ATRX: variants seen among roughly 807,000 people sequenced by gnomAD.
ATRX encodes ATRX chromatin remodeler, also known as chromatin remodeler ATRX.
A neutral mutation model predicts 172.6 loss-of-function variants in ATRX; 12 were observed. That is an observed-to-expected ratio of 0.07 (90% CI 0.04 to 0.11). The LOEUF (loss-of-function observed/expected upper bound fraction) is 0.11, where lower values mean the gene tolerates loss of function less well. Ranked by LOEUF, ATRX falls within the 10% of genes least tolerant of loss-of-function variation. ATRX has a pLI of 1.00. For missense variants in ATRX, 1,368 were observed against 1,767.4 expected, an observed-to-expected ratio of 0.77 and a Z score of 4.05; for synonymous variants, 674 against 594.7, an observed-to-expected ratio of 1.13 and a Z score of -1.94.
Position 77,682,675 on chromosome X carries a change from C to T in ATRX, c.2581G>A (p.Asp861Asn), listed in dbSNP as rs782629714. The change falls in exon 9 of 35, where the codon GAT becomes AAT. Residue 861 changes from aspartate (D) to asparagine (N), a missense_variant. Around this residue, in one of 17 missense-constraint regions of ATRX, gnomAD observed 843 missense variants for 643.1 expected, o/e 1.31. Transcript: ENST00000373344. ...TTCAAATTTTTGTGCCCTTGATTAT[C>T]CATTCCTTTTTTGCTGTGTTTCTCA... ...EDEKHSKKGM[D>N]NQGHKNLKTS... 8.3e-7 allele frequency: 1 copy of T among 1,209,112 alleles called. No homozygotes were observed. Among genetic ancestry groups the T allele is most frequent in the East Asian group, 3.0e-5 (1 of 33,827 alleles).
At chrX:77,652,444 G>A (rs1459743957) in intron 14 of ATRX, 91 bp from the exon 15 acceptor site, 7 of 954,620 alleles carry the variant, frequency 7.3e-6, no homozygotes, top group Non-Finnish European at 9.8e-6. Flanking sequence ...AGGAAAAGGT[G>A]GAAGAAAACA....
chrX:77,614,892 C>T (rs782727850), intron 22 of ATRX, among the ~76,000 whole-genome samples: 1 of 111,949 alleles, frequency 8.9e-6, no homozygotes, highest in South Asian at 3.8e-4. Context: ...ACACATACTT[C>T]CCAGATTCGG....
At chrX:77,766,012 G>T (rs202182744) in intron 1 of ATRX, among the ~76,000 whole-genome samples, 1 of 107,523 alleles carries the variant, frequency 9.3e-6, no homozygotes, top group East Asian at 2.9e-4. Context: ...TTGGGGGTAA[G>T]GTCACAGATC....
chrX:77,575,345 TTTTA>T (rs1486564295), intron 27 of ATRX, among the ~76,000 whole-genome samples: 19 of 110,640 alleles, frequency 1.7e-4, no homozygotes, highest in African/African-American at 5.6e-4. Context: ...ATGAAAGTCA[TTTTA>T]TTTATGATTT....
intron 12 of ATRX, among the ~76,000 whole-genome samples, chrX:77,659,771 C>G (rs2069767558): frequency 9.0e-6 from 1 of 111,671 alleles, no homozygotes; most frequent in Non-Finnish European, 1.9e-5. Context: ...TATACCTCTT[C>G]AATGCATTTC....
chrX:77,624,937 C>CAAA (rs1557102036), intron 19 of ATRX, among the ~76,000 whole-genome samples: 1 of 111,611 alleles, frequency 9.0e-6, no homozygotes, highest in Non-Finnish European at 1.9e-5. Context: ...ATAGCCAAAG[C>CAAA]AAGACTAAGC....
intron 30 of ATRX, among the ~76,000 whole-genome samples, chrX:77,536,050 T>C (rs1026471989): frequency 9.1e-6 from 1 of 109,704 alleles, no homozygotes; most frequent in Non-Finnish European, 1.9e-5. Flanking sequence ...ACATCTTTTG[T>C]TTTTTAAGAG....
At chrX:77,600,725 G>T (rs782172450) in intron 22 of ATRX, 161 bp from the exon 23 acceptor site, 4 of 474,168 alleles carry the variant, frequency 8.4e-6, no homozygotes, top group Admixed American at 3.8e-5. Flanking sequence ...AAAACAAATA[G>T]GATTACAAAA....
At chrX:77,669,587 G>C (rs782186501) in intron 10 of ATRX, among the ~76,000 whole-genome samples, 1 of 111,793 alleles carries the variant, frequency 8.9e-6, no homozygotes, top group Non-Finnish European at 1.9e-5. Flanking sequence ...GCCTCCCAAA[G>C]TGCTGGGATT....
intron 28 of ATRX, among the ~76,000 whole-genome samples, chrX:77,565,212 T>C (rs1445618010): frequency 1.8e-5 from 2 of 112,126 alleles, no homozygotes; most frequent in East Asian, 2.8e-4. Context: ...ACTCCCACTA[T>C]CAACTGGCAA....
At chrX:77,549,674 C>G (rs561827421) in intron 30 of ATRX, among the ~76,000 whole-genome samples, 7 of 112,382 alleles carry the variant, frequency 6.2e-5, no homozygotes, top group Admixed American at 1.9e-4. Context: ...AAACATTATC[C>G]TGAACAACTA....
intron 34 of ATRX, among the ~76,000 whole-genome samples, chrX:77,512,243 G>C (rs1270641206): frequency 8.9e-6 from 1 of 111,948 alleles, no homozygotes. Context: ...ATCATATCTG[G>C]TGAAAATATG....
chrX:77,546,272 T>A (rs2064237972), intron 30 of ATRX, among the ~76,000 whole-genome samples: 1 of 111,588 alleles, frequency 9.0e-6, no homozygotes. Flanking sequence ...AAGGTAATGC[T>A]AGTAAAATCC....
intron 1 of ATRX, among the ~76,000 whole-genome samples, chrX:77,780,684 T>C (rs1207106132): frequency 1.9e-5 from 2 of 108,022 alleles, no homozygotes; most frequent in Admixed American, 2.0e-4. Context: ...TTTACACCTG[T>C]AATCCCAGCA....
chrX:77,571,731 C>T (rs150772074), intron 28 of ATRX, among the ~76,000 whole-genome samples: 341 of 111,262 alleles, frequency 3.1e-3, no homozygotes, highest in Middle Eastern at 4.6e-3. Context: ...AAGATTTAAC[C>T]ATTGGGGAAA....
intron 15 of ATRX, among the ~76,000 whole-genome samples, chrX:77,638,035 C>T (rs1424259586): frequency 1.8e-5 from 2 of 108,349 alleles, no homozygotes; most frequent in Non-Finnish European, 1.9e-5. Context: ...AAATTTTAGG[C>T]ACTTTTTTCT....
chrX:77,762,154 A>T (rs781827210), intron 1 of ATRX, among the ~76,000 whole-genome samples: 1 of 109,163 alleles, frequency 9.2e-6, no homozygotes, highest in East Asian at 2.9e-4. Flanking sequence ...TACAAAAAAA[A>T]TTAGCCAGGC....
At chrX:77,687,771 TG>T (rs1326491657) in intron 7 of ATRX, among the ~76,000 whole-genome samples, 1 of 112,277 alleles carries the variant, frequency 8.9e-6, no homozygotes, top group Non-Finnish European at 1.9e-5. Context: ...TAAGCATGTC[TG>T]AATCTATCAA....
intron 29 of ATRX, among the ~76,000 whole-genome samples, chrX:77,558,443 G>C (rs1400415708): frequency 9.0e-6 from 1 of 111,294 alleles, no homozygotes; most frequent in African/African-American, 3.3e-5. Flanking sequence ...TCTGCTAAAT[G>C]TGTTCATGCA....
Sources: gnomAD v4.1 joint callset for allele counts (sites outside exome capture counted in the v4.1 genomes callset) on GRCh38, gnomAD v4.1.1 for gene constraint, gnomAD v4.1.1 regional missense constraint, MANE v1.5 for transcripts, NCBI Gene and HGNC (gene_info 2026-07-23, HGNC 2026-07-21) for gene names.